Variants in CINP observed in about 807,000 individuals in gnomAD.
CINP encodes the protein cyclin-dependent kinase 2-interacting protein.
In CINP, 11 loss-of-function variants were observed where a neutral mutation model predicts 20.5. The ratio of observed to expected loss-of-function variants is 0.54; its 90% CI spans 0.34 to 0.89. The LOEUF (loss-of-function observed/expected upper bound fraction) is 0.89, where lower values mean the gene tolerates loss of function less well. Ranked by LOEUF, CINP falls within the 40% of genes least tolerant of loss-of-function variation. CINP has a pLI of 0.02. For missense variants in CINP, 213 were observed against 251.0 expected (o/e 0.85, Z 1.02); for synonymous variants, 108 against 102.1 (o/e 1.06, Z -0.35).
At chr14:102,356,047 C>T in intron 2 of CINP, 150 bp from the exon 3 acceptor site, 1 of 831,308 alleles carries the variant, frequency 1.2e-6, no homozygotes, top group South Asian at 1.9e-5. Flanking sequence ...GATACAAATG[C>T]AGTTATTATT....
intron 2 of CINP, among the ~76,000 whole-genome samples, chr14:102,358,396 C>A (rs1284320991): frequency 1.3e-5 from 2 of 152,310 alleles, no homozygotes; most frequent in South Asian, 4.1e-4. Flanking sequence ...GACAGTGAGA[C>A]ATGGCTGGGC....
intron 1 of CINP, among the ~76,000 whole-genome samples, chr14:102,359,837 T>A (rs1454686129): frequency 6.6e-6 from 1 of 152,194 alleles, no homozygotes; most frequent in Non-Finnish European, 1.5e-5. Flanking sequence ...CTCCACAAAG[T>A]TTTTACCTTA....
chr14:102,348,792 T>C, intron 4 of CINP, 33 bp from the exon 5 acceptor site: 1 of 1,583,078 alleles, frequency 6.3e-7, no homozygotes, highest in Non-Finnish European at 8.6e-7. Flanking sequence ...TTAATGGCAG[T>C]GATTCAAGAA....
At chr14:102,350,547 T>A (rs1886843274) in intron 3 of CINP, among the ~76,000 whole-genome samples, 1 of 151,476 alleles carries the variant, frequency 6.6e-6, no homozygotes, top group East Asian at 2.0e-4. Context: ...GGAGACAGGG[T>A]CTCGTTATGT....
intron 3 of CINP, among the ~76,000 whole-genome samples, chr14:102,353,764 T>A (rs954726664): frequency 1.3e-5 from 2 of 151,852 alleles, no homozygotes; most frequent in African/African-American, 4.8e-5. Context: ...CTCGATGTCA[T>A]ACAGGATCCT....
At chr14:102,350,239 A>C (rs1330794841) in intron 3 of CINP, among the ~76,000 whole-genome samples, 191 bp from the exon 4 acceptor site, 7 of 152,206 alleles carry the variant, frequency 4.6e-5, no homozygotes, top group African/African-American at 1.7e-4. Context: ...GATTTCATTA[A>C]TTTGAATGAC....
At chr14:102,352,396 G>C (rs868056663) in intron 3 of CINP, 3 of 433,536 alleles carry the variant, frequency 6.9e-6, no homozygotes, top group East Asian at 1.4e-4. Context: ...TGAATGAACA[G>C]TGCATAAACA....
In CINP at chr14:102,348,701, C is replaced by T. The variant is rs146783256; in HGVS notation, c.495G>A (p.Thr165=). The change falls in exon 5 of 5, where the codon ACG becomes ACA. Residue 165 remains threonine, a synonymous_variant. Transcript: ENST00000216756. ...CGGTGTGGGCAAGCTCCTTGGCCAC[C>T]GTGCGCTTCAGGAGCAGCTCCTTCC... ...MYRKELLLKR[T]VAKELAHTGD... is the part of the protein sequence containing the mutation. The T allele has an allele frequency of 1.7e-4, 282 of 1,613,846 alleles. 1 individual carries two copies. In the East Asian group the frequency reaches 4.8e-3, roughly 27 times the overall value.
In CINP at chr14:102,358,753, G is replaced by A. The variant is rs553857378; in HGVS notation, c.176+666C>T. On this transcript the variant is annotated intron_variant, in intron 2 of 4. Coordinates refer to ENST00000216756, the MANE Select transcript of CINP (RefSeq NM_032630.3). ...ACAATAACATATGTTTTTTGTTTACGTAAAATCCAAAAATGGATGAAAAGA... is the reference window on the plus strand; with the variant it reads ...ACAATAACATATGTTTTTTGTTTACATAAAATCCAAAAATGGATGAAAAGA... Among the ~76,000 whole-genome samples, 5 of 152,124 alleles carry A rather than the reference G, an allele frequency of 3.3e-5. No homozygotes were observed. The East Asian group carries it at 5.8e-4, about 18-fold the overall frequency.
chr14:102,361,646 C>A (rs955873632), intron 1 of CINP, among the ~76,000 whole-genome samples: 1 of 149,636 alleles, frequency 6.7e-6, no homozygotes, highest in Non-Finnish European at 1.5e-5. Context: ...GTCTCAAAAA[C>A]AAAACAAAAC....
At chr14:102,356,233 A>G (rs11160678) in intron 2 of CINP, among the ~76,000 whole-genome samples, 46,718 of 151,916 alleles carry the variant, frequency 0.31, 7,428 homozygotes, top group Middle Eastern at 0.36. Context: ...TGGGCAACAC[A>G]GTGAGACCTC....
At chr14:102,353,372 A>G (rs1206703077) in intron 3 of CINP, among the ~76,000 whole-genome samples, 1 of 152,170 alleles carries the variant, frequency 6.6e-6, no homozygotes, top group African/African-American at 2.4e-5. Flanking sequence ...ATCAAGGTCA[A>G]CTTCAGCAGT....
At position 102,348,573 on chromosome 14, in the gene CINP, C is replaced by A. The variant is rs1332335256; in HGVS notation, c.623G>T (p.Gly208Val). 2 of 1,611,328 alleles carry A rather than the reference C, an allele frequency of 1.2e-6. No individual in the cohort carries two copies. The highest frequency in any genetic ancestry group is 1.7e-6 in the Non-Finnish European group (2 of 1,179,290). ...CTCAGGACGTCAGAGAGCTCGGTGG[C>A]CTGTCTCCAGCAGCATGCTCTCCAG... ...LHLESMLLET[G>V]HRAL The change falls in exon 5 of 5, where the codon GGC (glycine) becomes GTC (valine). Residue 208 changes from glycine (G) to valine (V), a missense_variant. Physicochemically the swap from Gly to Val is moderately radical, Grantham distance 109. Coordinates refer to ENST00000216756, the MANE Select transcript of CINP (RefSeq NM_032630.3).
At chr14:102,355,410 G>C (rs1053066061) in intron 3 of CINP, 1 of 174,806 alleles carries the variant, frequency 5.7e-6, no homozygotes, top group African/African-American at 2.4e-5. Flanking sequence ...AGCTACTCTG[G>C]AGGCTGAGAC....
chr14:102,362,521 G>A, intron 1 of CINP: 1 of 701,796 alleles, frequency 1.4e-6, no homozygotes, highest in Non-Finnish European at 2.6e-6. Flanking sequence ...GAGCATGCAA[G>A]GCTTGGTACC....
Position 102,350,176 on chromosome 14 carries a change from G to C in CINP, c.307-128C>G, listed in dbSNP as rs1325512511. The C allele has an allele frequency of 3.9e-6, 3 of 775,706 alleles. No homozygotes were observed. The African/African-American group carries it at 5.3e-5, about 14-fold the overall frequency. The allele number at this position is 775,706 out of a possible 1,614,324, so 48.1% of individuals were successfully genotyped here. A position where few individuals can be genotyped will look rare whatever the true frequency, so the allele number is the denominator to read the frequency against. Reference sequence around the variant, plus strand: ...ATAAAAATTCCAATAACTAAACACTGTTAACTCTACGTACAGCAAATTCCC... The same window carrying C: ...ATAAAAATTCCAATAACTAAACACTCTTAACTCTACGTACAGCAAATTCCC... On this transcript the variant is annotated intron_variant, in intron 3 of 4. Transcript: ENST00000216756.
chr14:102,360,575 G>A (rs1887118454), intron 1 of CINP, among the ~76,000 whole-genome samples: 1 of 152,158 alleles, frequency 6.6e-6, no homozygotes, highest in Admixed American at 6.5e-5. Flanking sequence ...GCAACTTAAT[G>A]TACCTTTCAG....
intron 1 of CINP, among the ~76,000 whole-genome samples, chr14:102,360,965 G>A (rs1887127037): frequency 6.6e-6 from 1 of 152,210 alleles, no homozygotes; most frequent in Admixed American, 6.5e-5. Flanking sequence ...CGCCAGGCAT[G>A]GGGGAATGAA....
chr14:102,349,510 T>A (rs1476154692), intron 4 of CINP, among the ~76,000 whole-genome samples: 1 of 152,166 alleles, frequency 6.6e-6, no homozygotes, highest in African/African-American at 2.4e-5. Flanking sequence ...TTTTTCCCAG[T>A]CATCTTCCAT....
Sources: allele counts gnomAD v4.1 joint callset (sites outside exome capture counted in the v4.1 genomes callset), GRCh38; gene constraint gnomAD v4.1.1; transcripts MANE v1.5; gene names NCBI Gene and HGNC (gene_info 2026-07-23, HGNC 2026-07-21).